The following SIRPA variants were observed in gnomAD, a reference collection of about 807,000 sequenced individuals.
SIRPA encodes the protein tyrosine-protein phosphatase non-receptor type substrate 1.
Under a neutral mutation model 50.3 loss-of-function variants are expected in SIRPA, and 9 were observed. That is an observed-to-expected ratio of 0.18 (90% CI 0.11 to 0.31). SIRPA has a LOEUF of 0.31. Ranked by LOEUF, SIRPA falls within the 10% of genes least tolerant of loss-of-function variation. SIRPA has a pLI of 1.00. For synonymous variants in SIRPA, 265 were observed against 284.1 expected (o/e 0.93, Z 0.68); for missense variants, 474 against 661.6 (o/e 0.72, Z 3.11).
At chr20:1,900,972 C>T (rs6035014) in intron 1 of SIRPA, among the ~76,000 whole-genome samples, 1 of 152,058 alleles carries the variant, frequency 6.6e-6, no homozygotes, top group African/African-American at 2.4e-5. Flanking sequence ...AAGGCCACAC[C>T]GTAAGCGCCA....
chr20:1,912,046 G>A (rs1984920019), intron 1 of SIRPA, among the ~76,000 whole-genome samples: 1 of 151,874 alleles, frequency 6.6e-6, no homozygotes, highest in South Asian at 2.1e-4. Context: ...TTCTTCAAAC[G>A]CTTTATAAAC....
Position 1,936,758 on chromosome 20 carries a change from C to T in SIRPA, c.1267-562C>T, listed in dbSNP as rs1392351024. On this transcript the variant is annotated intron_variant, in intron 7 of 7. Coordinates refer to ENST00000358771, the MANE Select transcript of SIRPA (RefSeq NM_001040023.2). The surrounding 1 kb of genome is among the most constrained non-coding windows in gnomAD (Gnocchi z 4.2). ...GCATACATTAATGAATGTCCCCACACGTACCACCATCAGCAGCACCTCCTC... is the reference window on the plus strand; with the variant it reads ...GCATACATTAATGAATGTCCCCACATGTACCACCATCAGCAGCACCTCCTC... Among the ~76,000 whole-genome samples, 2 of 152,140 alleles carry T rather than the reference C, an allele frequency of 1.3e-5. No individual in the cohort carries two copies. The highest frequency in any genetic ancestry group is 6.6e-5 in the Admixed American group (1 of 15,264).
chr20:1,895,128 T>C (rs1457283556), upstream of SIRPA, among the ~76,000 whole-genome samples: 1 of 151,282 alleles, frequency 6.6e-6, no homozygotes. Flanking sequence ...CCTCTCCGTG[T>C]CTCTGGCTCT....
chr20:1,911,733 C>T (rs1343094619), intron 1 of SIRPA, among the ~76,000 whole-genome samples: 1 of 152,180 alleles, frequency 6.6e-6, no homozygotes, highest in African/African-American at 2.4e-5. Context: ...TCCAATTTCC[C>T]CTCCCACCGG....
chr20:1,895,346 G>C (rs1983721928), upstream of SIRPA: 11 of 687,404 alleles, frequency 1.6e-5, no homozygotes, highest in Admixed American at 4.4e-5. Context: ...CCAGCCGGGA[G>C]GGGGGAAGGG....
rs931303313 is a variant in SIRPA at position 1,898,618 on chromosome 20, G to A, written c.79+3092G>A. On this transcript the variant is annotated intron_variant, in intron 1 of 7. Coordinates refer to ENST00000358771, the MANE Select transcript of SIRPA (RefSeq NM_001040023.2). The surrounding 1 kb of genome is among the most constrained non-coding windows in gnomAD (Gnocchi z 4.3). ...AGTGATAGAGAGGAGCCAGGATTTT[G>A]GATGCTGGCCTTCCTGCTGGGTGGC... Among the ~76,000 whole-genome samples, 2 of 152,100 alleles carry A rather than the reference G, an allele frequency of 1.3e-5. No individual in the cohort carries two copies.
chr20:1,913,629 C>T (rs1270019328), intron 1 of SIRPA, among the ~76,000 whole-genome samples: 1 of 152,250 alleles, frequency 6.6e-6, no homozygotes, highest in Admixed American at 6.5e-5. Flanking sequence ...GCTGCCACTC[C>T]TCTGTCTACC....
At chr20:1,904,286 C>T (rs1984415035) in intron 1 of SIRPA, among the ~76,000 whole-genome samples, 1 of 152,210 alleles carries the variant, frequency 6.6e-6, no homozygotes, top group African/African-American at 2.4e-5. Flanking sequence ...ACGCAAACTG[C>T]TTGCCCAACT....
chr20:1,913,956 C>T (rs911205412), intron 1 of SIRPA, among the ~76,000 whole-genome samples: 2 of 152,126 alleles, frequency 1.3e-5, no homozygotes, highest in Non-Finnish European at 1.5e-5. Context: ...CAGGCTCCTG[C>T]AGCCAACCTC....
At chr20:1,925,548 C>T (rs908280708) in intron 5 of SIRPA, among the ~76,000 whole-genome samples, 14 of 152,192 alleles carry the variant, frequency 9.2e-5, no homozygotes, top group Non-Finnish European at 1.8e-4. Flanking sequence ...GCACGTGTTA[C>T]GTGTGTGTCT....
chr20:1,903,207 G>A (rs936025215), intron 1 of SIRPA, among the ~76,000 whole-genome samples: 24 of 152,068 alleles, frequency 1.6e-4, no homozygotes, highest in African/African-American at 5.8e-4. Context: ...AGTGAGCAGA[G>A]GTCAGGGCCA....
intron 1 of SIRPA, among the ~76,000 whole-genome samples, chr20:1,906,745 G>A (rs1421536413): frequency 6.6e-6 from 1 of 152,180 alleles, no homozygotes; most frequent in African/African-American, 2.4e-5. Context: ...GGGGAATGTG[G>A]CTGGTAGAGA....
rs1265922972 is a variant in SIRPA, at chr20:1,926,080, A to T, written c.1201+1203A>T. On this transcript the variant is annotated intron_variant, in intron 5 of 7. Transcript: ENST00000358771. ...AGCTTGGTTGGGCACATTGTACACT[A>T]ATCACGCATCCCTTCAGTAGCTCCT... 2.0e-5 allele frequency among the ~76,000 whole-genome samples: 3 copies of T among 152,198 alleles called. No homozygotes were observed. The East Asian group carries it at 5.8e-4, about 29-fold the overall frequency.
chr20:1,909,544 G>A (rs1415045279), intron 1 of SIRPA, among the ~76,000 whole-genome samples: 1 of 152,238 alleles, frequency 6.6e-6, no homozygotes, highest in Non-Finnish European at 1.5e-5. Context: ...CACTTTGGGA[G>A]GCTGAGGCGG....
At position 1,906,695 on chromosome 20, in the gene SIRPA, C is replaced by T. The variant is rs1047034369; in HGVS notation, c.80-8404C>T. On this transcript the variant is annotated intron_variant, in intron 1 of 7. Transcript: ENST00000358771. ...GGGAGGGTTTTGCACAAAGGAGGAACGTCACCTGACTTAGGTTTTAGAGGC... is the reference window on the plus strand; with the variant it reads ...GGGAGGGTTTTGCACAAAGGAGGAATGTCACCTGACTTAGGTTTTAGAGGC... 3.9e-5 allele frequency among the ~76,000 whole-genome samples: 6 copies of T among 152,092 alleles called. No homozygotes were observed. In the East Asian group the frequency reaches 7.7e-4, roughly 20 times the overall value.
chr20:1,895,014 G>T (rs997802751), upstream of SIRPA, among the ~76,000 whole-genome samples: 1 of 148,674 alleles, frequency 6.7e-6, no homozygotes, highest in Non-Finnish European at 1.5e-5. Flanking sequence ...CGGCCGTGCT[G>T]CCCCTCGCCC....
At position 1,900,090 on chromosome 20, in the gene SIRPA, GCTTTTTTTTTTT is replaced by G. The variant is rs1347513779; in HGVS notation, c.79+4577_79+4588del. Among the ~76,000 whole-genome samples the G allele has an allele frequency of 2.7e-5, 4 of 146,028 alleles. No homozygotes were observed. The East Asian group carries it at 5.9e-4, about 22-fold the overall frequency. ...CCTTCAGCTTGATATTTTCCTTGTAGCTTTTTTTTTTTCTTTTTTTTTTTTTTGAGATGGAGT... is the reference window on the plus strand; with the variant it reads ...CCTTCAGCTTGATATTTTCCTTGTAGCTTTTTTTTTTTTTTGAGATGGAGT... On this transcript the variant is annotated intron_variant, in intron 1 of 7. Coordinates refer to ENST00000358771, the MANE Select transcript of SIRPA (RefSeq NM_001040023.2).
chr20:1,917,867 G>A (rs1449467170), intron 2 of SIRPA, among the ~76,000 whole-genome samples: 1 of 152,136 alleles, frequency 6.6e-6, no homozygotes, highest in Non-Finnish European at 1.5e-5. Context: ...CCAGATCTGG[G>A]TACCCTGGAG....
In SIRPA at chr20:1,934,875, T is replaced by G. The variant is rs1986487961; in HGVS notation, c.1266+121T>G. Reference sequence around the variant, plus strand: ...CTTGTGGGGTGGAGGGTGGAGGATCTTACACTCCTAGCTTTCCCCATGTCC... The same window carrying G: ...CTTGTGGGGTGGAGGGTGGAGGATCGTACACTCCTAGCTTTCCCCATGTCC... On this transcript the variant is annotated intron_variant, in intron 7 of 7. Transcript: ENST00000358771. This position sits in a 1 kb window ranked among gnomAD's most constrained non-coding sequence, Gnocchi z 4.6. 3.8e-6 allele frequency: 4 copies of G among 1,065,558 alleles called. No homozygotes were observed. The highest frequency in any genetic ancestry group is 5.8e-6 in the Non-Finnish European group (4 of 691,202). 66.0% of individuals were successfully genotyped at this position (1,065,558 alleles called of 1,614,324 possible). A position where few individuals can be genotyped will look rare whatever the true frequency, so the allele number is the denominator to read the frequency against.
Sources: allele counts gnomAD v4.1 joint callset (sites outside exome capture counted in the v4.1 genomes callset), GRCh38; gene constraint gnomAD v4.1.1; non-coding constraint Gnocchi (gnomAD v3.1); transcripts MANE v1.5; gene names NCBI Gene and HGNC (gene_info 2026-07-23, HGNC 2026-07-21).